Variants in INPP4B observed in about 807,000 individuals in gnomAD.
INPP4B encodes inositol polyphosphate-4-phosphatase type II B.
In INPP4B, 55 loss-of-function variants were observed where a neutral mutation model predicts 122.5. The ratio of observed to expected loss-of-function variants is 0.45; its 90% CI spans 0.36 to 0.56. The LOEUF (loss-of-function observed/expected upper bound fraction) is 0.56, where lower values mean the gene tolerates loss of function less well. INPP4B is among the 20% of genes least tolerant of loss of function. The probability of loss-of-function intolerance (pLI) is 0.00; values close to 1 mark genes in which losing one functional copy is unlikely to be tolerated. For missense variants in INPP4B, 1,000 were observed against 1,097.7 expected (o/e 0.91, Z 1.26); for synonymous variants, 403 against 388.7 (o/e 1.04, Z -0.43).
intron 1 of INPP4B, among the ~76,000 whole-genome samples, chr4:142,743,842 G>C (rs1355894286): frequency 6.6e-6 from 1 of 151,592 alleles, no homozygotes; most frequent in East Asian, 1.9e-4. Flanking sequence ...GTATACCCTG[G>C]GATACATGAG....
At chr4:142,579,160 G>A (rs1734475823) in intron 2 of INPP4B, among the ~76,000 whole-genome samples, 1 of 152,028 alleles carries the variant, frequency 6.6e-6, no homozygotes, top group South Asian at 2.1e-4. Context: ...AATGGGGGAA[G>A]TAGGGAGGGA....
In INPP4B at chr4:142,333,026, AAC is replaced by A. The variant is rs1259498261; in HGVS notation, c.373-18266_373-18265del. 2.1e-4 allele frequency among the ~76,000 whole-genome samples: 32 copies of A among 149,534 alleles called. 1 individual carries two copies. Among genetic ancestry groups the A allele is most frequent in the African/African-American group, 3.5e-4 (14 of 40,458 alleles). ...ACTCCGTCTCAAAAAAAAAAAAAAA[AAC>A]AAAAAAAAAACCTTCTAAAACCGCA... On this transcript the variant is annotated intron_variant, in intron 7 of 25. Coordinates refer to ENST00000262992, the MANE Select transcript of INPP4B (RefSeq NM_001101669.3).
chr4:142,238,434 T>C (rs1371243107), intron 11 of INPP4B, among the ~76,000 whole-genome samples: 1 of 152,094 alleles, frequency 6.6e-6, no homozygotes, highest in Non-Finnish European at 1.5e-5. Flanking sequence ...TTTGAACAAA[T>C]ATATTTCTGA....
chr4:142,045,322 G>C (rs998382101), intron 25 of INPP4B, among the ~76,000 whole-genome samples: 1 of 152,058 alleles, frequency 6.6e-6, no homozygotes, highest in Non-Finnish European at 1.5e-5. Context: ...CTGTCAAAAC[G>C]ATTATGCCAC....
chr4:142,270,693 G>T lies in INPP4B; in HGVS notation c.585C>A (p.Asp195Glu), dbSNP rs2150566345. ...GTCCCTGTACATCTGTGGTGATGTGGTCGGCTTCCCCATCCTCAATCTCCC... is the reference window on the plus strand; with the variant it reads ...GTCCCTGTACATCTGTGGTGATGTGTTCGGCTTCCCCATCCTCAATCTCCC... The part of the protein sequence containing the change: ...KMGEIEDGEA[D>E]HITTDVQGQK... Residue 195 changes from aspartate (D) to glutamate (E), a missense_variant, in exon 10 of 26, where the codon GAC (aspartate) becomes GAA (glutamate). Physicochemically the swap from Asp to Glu is conservative, Grantham distance 45 (BLOSUM62 2). Transcript: ENST00000262992. The T allele has an allele frequency of 5.6e-6, 9 of 1,612,556 alleles. No homozygotes were observed. The highest frequency in any genetic ancestry group is 7.6e-6 in the Non-Finnish European group (9 of 1,178,674).
At chr4:142,593,713 T>G (rs892549726) in intron 2 of INPP4B, among the ~76,000 whole-genome samples, 35 of 152,276 alleles carry the variant, frequency 2.3e-4, no homozygotes, top group African/African-American at 8.2e-4. Context: ...TAGAATTTAT[T>G]TTTCTCCTTT....
In INPP4B at chr4:142,753,913, C is replaced by T. The variant is rs147522170; in HGVS notation, c.-253-28012G>A. ...AGCATTTACCACTTTCCTGAAATCT[C>T]AAGTATAATTCTCCTTCTACTTTCT... On this transcript the variant is annotated intron_variant, in intron 1 of 25. Coordinates refer to ENST00000262992, the MANE Select transcript of INPP4B (RefSeq NM_001101669.3). 2.3e-3 allele frequency among the ~76,000 whole-genome samples: 348 copies of T among 152,082 alleles called. 3 individuals are homozygous for T. Among genetic ancestry groups the T allele is most frequent in the Non-Finnish European group, 3.7e-3 (250 of 67,940 alleles).
At chr4:142,397,259 T>C (rs1799649211) in intron 7 of INPP4B, among the ~76,000 whole-genome samples, 1 of 152,150 alleles carries the variant, frequency 6.6e-6, no homozygotes, top group Admixed American at 6.5e-5. Flanking sequence ...AGGCAGAGGC[T>C]GAATGAATGA....
At chr4:142,729,132 G>A (rs926385060) in intron 1 of INPP4B, among the ~76,000 whole-genome samples, 3 of 152,104 alleles carry the variant, frequency 2.0e-5, no homozygotes, top group Admixed American at 2.0e-4. Context: ...CAGCTCACAA[G>A]AGGGTTCATG....
At chr4:142,602,923 C>A (rs1261912841) in intron 2 of INPP4B, among the ~76,000 whole-genome samples, 1 of 152,100 alleles carries the variant, frequency 6.6e-6, no homozygotes, top group African/African-American at 2.4e-5. Context: ...ATGTTCCTTG[C>A]AGTGCTATTT....
chr4:142,245,822 ATGTG>A (rs1727834523), intron 11 of INPP4B, among the ~76,000 whole-genome samples: 4 of 123,404 alleles, frequency 3.2e-5, no homozygotes, highest in African/African-American at 6.3e-5. Context: ...GTATACATAT[ATGTG>A]TATGTATACA....
At chr4:142,498,286 G>A (rs993499208) in intron 2 of INPP4B, among the ~76,000 whole-genome samples, 5 of 151,132 alleles carry the variant, frequency 3.3e-5, no homozygotes, top group African/African-American at 7.3e-5. Context: ...TCAAAAATGC[G>A]AACCCAAGCA....
chr4:142,097,713 T>A (rs966744436), intron 23 of INPP4B, among the ~76,000 whole-genome samples: 1 of 152,162 alleles, frequency 6.6e-6, no homozygotes, highest in Non-Finnish European at 1.5e-5. Context: ...ACCTTCAATG[T>A]GATAATGTGA....
At chr4:142,609,625 C>CA (rs1241309831) in intron 2 of INPP4B, among the ~76,000 whole-genome samples, 7 of 152,094 alleles carry the variant, frequency 4.6e-5, no homozygotes, top group African/African-American at 1.7e-4. Context: ...AATTATGATT[C>CA]AAAATGTTTC....
chr4:142,738,030 C>T (rs1381285792), intron 1 of INPP4B, among the ~76,000 whole-genome samples: 1 of 152,154 alleles, frequency 6.6e-6, no homozygotes, highest in Non-Finnish European at 1.5e-5. Context: ...ACTAGTTCAA[C>T]CATTGTGGAA....
chr4:142,550,069 G>A (rs1727605172), intron 2 of INPP4B, among the ~76,000 whole-genome samples: 1 of 152,134 alleles, frequency 6.6e-6, no homozygotes, highest in African/African-American at 2.4e-5. Context: ...AATGATGAAT[G>A]AGGCTCCCAG....
At chr4:142,145,283 A>T (rs919937919) in intron 18 of INPP4B, among the ~76,000 whole-genome samples, 2 of 149,838 alleles carry the variant, frequency 1.3e-5, no homozygotes, top group Non-Finnish European at 3.0e-5. Flanking sequence ...ATGTATACAC[A>T]TGTGTGCATG....
Position 142,527,188 on chromosome 4 carries a change from G to T in INPP4B, c.-190-64462C>A, listed in dbSNP as rs543110059. ...ATATATAATTTTTCATTTAAACATA[G>T]TTATTTTCTAAATTCCCCATCATAA... On this transcript the variant is annotated intron_variant, in intron 2 of 25. Coordinates refer to ENST00000262992, the MANE Select transcript of INPP4B (RefSeq NM_001101669.3). 5.2e-3 allele frequency among the ~76,000 whole-genome samples: 789 copies of T among 151,534 alleles called. 9 individuals are homozygous for T. The highest frequency in any genetic ancestry group is 0.018 in the African/African-American group (743 of 41,402).
intron 2 of INPP4B, among the ~76,000 whole-genome samples, chr4:142,471,506 A>T (rs185558201): frequency 2.0e-5 from 3 of 152,308 alleles, no homozygotes; most frequent in Non-Finnish European, 2.9e-5. Flanking sequence ...TCTTCCTTAT[A>T]CATACAGAAC....
Sources: allele counts gnomAD v4.1 joint callset (sites outside exome capture counted in the v4.1 genomes callset), GRCh38; gene constraint gnomAD v4.1.1; transcripts MANE v1.5; gene names NCBI Gene and HGNC (gene_info 2026-07-23, HGNC 2026-07-21).